The following UBOX5 variants were observed in gnomAD, a reference collection of about 807,000 sequenced individuals.
The protein encoded by UBOX5 is RING finger protein 37.
UBOX5 carries 28 observed loss-of-function variants against 39.0 expected under a neutral mutation model. The ratio of observed to expected loss-of-function variants is 0.72; its 90% CI spans 0.53 to 0.98. The LOEUF is 0.98. UBOX5 is among the 50% of genes least tolerant of loss of function. The pLI is 0.00. For synonymous variants in UBOX5, 283 were observed against 275.5 expected (o/e 1.03, Z -0.27); for missense variants, 585 against 674.4 (o/e 0.87, Z 1.47).
At chr20:3,134,585 C>T (rs1042445671) in intron 1 of UBOX5, among the ~76,000 whole-genome samples, 2 of 134,648 alleles carry the variant, frequency 1.5e-5, no homozygotes, top group Non-Finnish European at 3.1e-5. Flanking sequence ...AAAGGCCAGG[C>T]GTGGTGGCTC....
At position 3,156,173 on chromosome 20, in the gene UBOX5, CTTTTTT is replaced by C. The variant is rs761149925; in HGVS notation, c.-42+3587_-42+3592del. Among the ~76,000 whole-genome samples the C allele has an allele frequency of 4.0e-3, 527 of 130,160 alleles. 1 individual carries two copies. Among genetic ancestry groups the C allele is most frequent in the East Asian group, 0.024 (112 of 4,634 alleles). 85.4% of individuals were successfully genotyped at this position (130,160 alleles called of 152,430 possible). A position where few individuals can be genotyped will look rare whatever the true frequency, so the allele number is the denominator to read the frequency against. On this transcript the variant is annotated intron_variant, in intron 1 of 4. Coordinates refer to ENST00000217173, the MANE Select transcript of UBOX5 (RefSeq NM_014948.4). Reference sequence around the variant, plus strand: ...ATGCTCAGTCAATTAACTTCTGACTCTTTTTTTTTTTTTTTTTTTTGAGACAGAGTC... The same window carrying C: ...ATGCTCAGTCAATTAACTTCTGACTCTTTTTTTTTTTTTTGAGACAGAGTC...
At chr20:3,124,892 TG>T (rs1267330689) in intron 1 of UBOX5, among the ~76,000 whole-genome samples, 12 of 146,080 alleles carry the variant, frequency 8.2e-5, no homozygotes, top group African/African-American at 1.5e-4. Flanking sequence ...CCGCCCCGTC[TG>T]GGAGGTGAGG....
In UBOX5 at chr20:3,121,880, G is replaced by A. The variant is rs765883353; in HGVS notation, c.759C>T (p.Ala253=). ...QQAPSSLQKL[A]EIIQDVPEEF... The stretch of plus-strand genomic sequence containing the variant: ...CCTCAGGCACATCCTGAATGATCTC[G>A]GCCAGCTTCTGCAGGCTGGAGGGAG... The change falls in exon 3 of 5, where the codon GCC becomes GCT. Residue 253 remains alanine, a synonymous_variant. Transcript: ENST00000217173. 7.4e-6 allele frequency: 12 copies of A among 1,613,824 alleles called. No homozygotes were observed. The highest frequency in any genetic ancestry group is 1.0e-5 in the Non-Finnish European group (12 of 1,180,042).
intron 3 of UBOX5, among the ~76,000 whole-genome samples, chr20:3,120,013 T>C (rs2066321711): frequency 6.6e-6 from 1 of 151,912 alleles, no homozygotes; most frequent in Non-Finnish European, 1.5e-5. Context: ...TCACTGGCAA[T>C]GCCCCAGGGA....
intron 1 of UBOX5, chr20:3,148,192 C>A: frequency 6.2e-7 from 1 of 1,613,922 alleles, no homozygotes; most frequent in South Asian, 1.1e-5. Context: ...CCTGGGATAC[C>A]TGACGATTTT....
At chr20:3,136,346 GTTTAT>G (rs2066471806) in intron 1 of UBOX5, among the ~76,000 whole-genome samples, 1 of 150,996 alleles carries the variant, frequency 6.6e-6, no homozygotes, top group African/African-American at 2.4e-5. Flanking sequence ...CTAAGAGATT[GTTTAT>G]TTTTATTTTT....
At position 3,148,342 on chromosome 20, in the gene UBOX5, C is replaced by G. The variant is rs114807917; in HGVS notation, c.-42+11424G>C. The G allele has an allele frequency of 3.6e-4, 585 of 1,614,122 alleles. 5 individuals are homozygous for G. In the African/African-American group the frequency reaches 7.2e-3, roughly 20 times the overall value. Reference sequence around the variant, plus strand: ...TCCAGAGATCAGCCACCAAAAGGAGCTGATCCATATTCATCTCCCATACCT... The same window carrying G: ...TCCAGAGATCAGCCACCAAAAGGAGGTGATCCATATTCATCTCCCATACCT... On this transcript the variant is annotated intron_variant, in intron 1 of 4. Transcript: ENST00000217173.
Position 3,147,539 on chromosome 20 carries a change from A to G in UBOX5, c.-42+12227T>C, listed in dbSNP as rs778324267. ...ACCATCGAGGGTATATAGTTCCTTA[A>G]GGAGGTCAAACTTAGTTCTCTCCTG... On this transcript the variant is annotated intron_variant, in intron 1 of 4. Transcript: ENST00000217173. 1.9e-5 allele frequency: 31 copies of G among 1,614,090 alleles called. No individual in the cohort carries two copies. Among genetic ancestry groups the G allele is most frequent in the Non-Finnish European group, 2.5e-5 (29 of 1,180,054 alleles).
rs562493911 is a variant in UBOX5, at chr20:3,157,493, CTCTTT to C, written c.-42+2268_-42+2272del. On this transcript the variant is annotated intron_variant, in intron 1 of 4. Transcript: ENST00000217173. ...TTTCAGCTACACAGCCCTTCCGCTT[CTCTTT>C]TAAGACTCTGCTATTCCTCTATCAG... is the stretch of plus-strand genomic sequence containing the variant. Among the ~76,000 whole-genome samples, 300 of 152,362 alleles carry C rather than the reference CTCTTT, an allele frequency of 2.0e-3. 2 individuals carry two copies. Among genetic ancestry groups the C allele is most frequent in the African/African-American group, 6.9e-3 (288 of 41,590 alleles).
intron 4 of UBOX5, among the ~76,000 whole-genome samples, chr20:3,112,370 C>A (rs1469879897): frequency 6.6e-6 from 1 of 150,532 alleles, no homozygotes; most frequent in Non-Finnish European, 1.5e-5. Flanking sequence ...CAGCACTGAC[C>A]AGAAGTCCCA....
intron 1 of UBOX5, among the ~76,000 whole-genome samples, chr20:3,145,106 G>A (rs992780862): frequency 4.6e-5 from 7 of 151,548 alleles, no homozygotes; most frequent in African/African-American, 1.7e-4. Flanking sequence ...TTTAGAGCAC[G>A]TGAAAAGATG....
At chr20:3,136,845 C>T (rs1006184008) in intron 1 of UBOX5, among the ~76,000 whole-genome samples, 4 of 151,546 alleles carry the variant, frequency 2.6e-5, no homozygotes, top group East Asian at 1.9e-4. Context: ...TTAGTAGAGA[C>T]GGGGTTTCAC....
intron 1 of UBOX5, among the ~76,000 whole-genome samples, chr20:3,146,341 A>T (rs1463916024): frequency 7.0e-6 from 1 of 143,204 alleles, no homozygotes; most frequent in Non-Finnish European, 1.5e-5. Flanking sequence ...ACTCCATCTC[A>T]AAAAACAAAC....
chr20:3,121,627 G>C lies in UBOX5; in HGVS notation c.1012C>G (p.Pro338Ala). The change falls in exon 3 of 5, where the codon CCT (proline) becomes GCT (alanine). Residue 338 changes from proline (P) to alanine (A), a missense_variant. Transcript: ENST00000217173. Reference protein sequence around the residue: ...IDHFLLQHSIPGCHLLGRAQT... With the variant: ...IDHFLLQHSIAGCHLLGRAQT... ...GCTCTCCCAAGCAGGTGGCAGCCAG[G>C]GATGGAGTGCTGGAGCAGGAAATGG... 1 of 1,610,888 alleles carries C rather than the reference G, an allele frequency of 6.2e-7. No homozygotes were observed.
chr20:3,152,210 G>C (rs1274607856), intron 1 of UBOX5, among the ~76,000 whole-genome samples: 6 of 151,746 alleles, frequency 4.0e-5, no homozygotes, highest in African/African-American at 1.5e-4. Context: ...GCTGGGCACA[G>C]TGACTCATGT....
intron 1 of UBOX5, among the ~76,000 whole-genome samples, chr20:3,125,208 G>T (rs1040793297): frequency 1.3e-5 from 2 of 149,484 alleles, no homozygotes; most frequent in Non-Finnish European, 3.0e-5. Context: ...GAAGTGAGGA[G>T]TGCCTCTGCC....
chr20:3,125,681 C>A (rs1455663941), intron 1 of UBOX5, among the ~76,000 whole-genome samples: 1 of 136,634 alleles, frequency 7.3e-6, no homozygotes, highest in Admixed American at 7.3e-5. Context: ...CTCTGCCCGG[C>A]AGCCGCCCCG....
In UBOX5 at chr20:3,125,668, C is replaced by A. The variant is rs1373771951; in HGVS notation, c.-41-2262G>T. On this transcript the variant is annotated intron_variant, in intron 1 of 4. Coordinates refer to ENST00000217173, the MANE Select transcript of UBOX5 (RefSeq NM_014948.4). ...GCCACCCCGTCTGAGAAGTGAGGAG[C>A]GCCTCTGCCCGGCAGCCGCCCCGTC... 4.0e-5 allele frequency among the ~76,000 whole-genome samples: 5 copies of A among 123,950 alleles called. No homozygotes were observed. In the Admixed American group the frequency reaches 4.5e-4, roughly 11 times the overall value. The allele number at this position is 123,950 out of a possible 152,430, so 81.3% of individuals were successfully genotyped here. A position where few individuals can be genotyped will look rare whatever the true frequency, so the allele number is the denominator to read the frequency against.
At position 3,147,097 on chromosome 20, in the gene UBOX5, C is replaced by A. The variant is rs752972812; in HGVS notation, c.-42+12669G>T. The A allele has an allele frequency of 1.3e-5, 21 of 1,614,060 alleles. No individual in the cohort carries two copies. The highest frequency in any genetic ancestry group is 1.8e-5 in the Non-Finnish European group (21 of 1,180,046). On this transcript the variant is annotated intron_variant, in intron 1 of 4. Transcript: ENST00000217173. ...CCCCCAGAGGTACAGCTGCCTTATT[C>A]TCCAACTCCATGGGCTGCTGCCCAG...
Sources: gnomAD v4.1 joint callset for allele counts (sites outside exome capture counted in the v4.1 genomes callset) on GRCh38, gnomAD v4.1.1 for gene constraint, MANE v1.5 for transcripts, NCBI Gene and HGNC (gene_info 2026-07-23, HGNC 2026-07-21) for gene names.